The following XKR4 variants were observed in gnomAD, a reference collection of about 807,000 sequenced individuals.
The protein encoded by XKR4 is XK related 4.
Under a neutral mutation model 53.9 loss-of-function variants are expected in XKR4, and 12 were observed. The observed-to-expected ratio is 0.22, with a 90% CI of 0.14 to 0.36. The LOEUF (loss-of-function observed/expected upper bound fraction) is 0.36, where lower values mean the gene tolerates loss of function less well. XKR4 is among the 10% of genes least tolerant of loss of function. The pLI is 1.00. For synonymous variants in XKR4, 354 were observed against 362.4 expected (o/e 0.98, Z 0.26); for missense variants, 799 against 859.5 (o/e 0.93, Z 0.88).
chr8:55,166,561 A>G (rs1213566203), intron 1 of XKR4, among the ~76,000 whole-genome samples: 1 of 152,250 alleles, frequency 6.6e-6, no homozygotes, highest in East Asian at 1.9e-4. Flanking sequence ...AAACACCTTA[A>G]TAGAAAAGCA....
At chr8:55,154,055 T>C (rs1816874419) in intron 1 of XKR4, among the ~76,000 whole-genome samples, 2 of 152,096 alleles carry the variant, frequency 1.3e-5, no homozygotes, top group South Asian at 4.2e-4. Flanking sequence ...GATTAGAGAG[T>C]ATATGGCCCA....
intron 1 of XKR4, among the ~76,000 whole-genome samples, chr8:55,107,880 A>T (rs1030381185): frequency 7.2e-5 from 11 of 152,204 alleles, no homozygotes; most frequent in African/African-American, 2.7e-4. Context: ...CATATAAATT[A>T]ATTAGTCATT....
chr8:55,430,318 T>C (rs1176545409), intron 2 of XKR4, among the ~76,000 whole-genome samples: 1 of 152,160 alleles, frequency 6.6e-6, no homozygotes, highest in East Asian at 1.9e-4. Flanking sequence ...CTAGAGAAAT[T>C]AAAAATATGT....
At chr8:55,156,652 T>A (rs953618422) in intron 1 of XKR4, among the ~76,000 whole-genome samples, 1 of 152,220 alleles carries the variant, frequency 6.6e-6, no homozygotes, top group Admixed American at 6.5e-5. Context: ...GAGTGTGGGC[T>A]TGTTTTTTTT....
chr8:55,372,036 G>C (rs1348955667), intron 2 of XKR4, among the ~76,000 whole-genome samples: 1 of 152,206 alleles, frequency 6.6e-6, no homozygotes, highest in South Asian at 2.1e-4. Context: ...TGAGCACACA[G>C]ACATGTTCAG....
intron 2 of XKR4, among the ~76,000 whole-genome samples, chr8:55,446,354 T>G (rs1041667615): frequency 6.6e-6 from 1 of 152,170 alleles, no homozygotes; most frequent in African/African-American, 2.4e-5. Flanking sequence ...GATTTCTTTT[T>G]TTTTTGACAC....
chr8:55,121,894 G>C (rs1166821283), intron 1 of XKR4, among the ~76,000 whole-genome samples: 1 of 151,918 alleles, frequency 6.6e-6, no homozygotes, highest in East Asian at 1.9e-4. Flanking sequence ...CTCTGCCTGA[G>C]AGTTGGACAG....
intron 1 of XKR4, among the ~76,000 whole-genome samples, chr8:55,254,576 A>T (rs1421026753): frequency 6.6e-6 from 1 of 152,212 alleles, no homozygotes; most frequent in Non-Finnish European, 1.5e-5. Context: ...TGATAAAGGA[A>T]GCGTCGATCT....
chr8:55,230,280 G>A (rs1208116713), intron 1 of XKR4, among the ~76,000 whole-genome samples: 5 of 151,872 alleles, frequency 3.3e-5, no homozygotes, highest in African/African-American at 9.7e-5. Flanking sequence ...AAACTAGGGA[G>A]GGGAATCACT....
At position 55,538,772 on chromosome 8, in the gene XKR4, T is replaced by C. The variant is rs1459983702; in HGVS notation, c.*14545T>C. Reference sequence around the variant, plus strand: ...CAGGTGGCGTTCTGAAATCCACTACTGGGGAAAGATTTTTAACAGATATTA... The same window carrying C: ...CAGGTGGCGTTCTGAAATCCACTACCGGGGAAAGATTTTTAACAGATATTA... On this transcript the variant is annotated 3_prime_UTR_variant, in exon 3 of 3. Transcript: ENST00000327381. 1 of 152,186 alleles carries C rather than the reference T, an allele frequency of 6.6e-6. No individual in the cohort carries two copies. The highest frequency in any genetic ancestry group is 1.5e-5 in the Non-Finnish European group (1 of 68,042). 9.4% of individuals were successfully genotyped at this position (152,186 alleles called of 1,614,324 possible). A position where few individuals can be genotyped will look rare whatever the true frequency, so the allele number is the denominator to read the frequency against.
intron 1 of XKR4, among the ~76,000 whole-genome samples, chr8:55,301,400 G>A (rs995169082): frequency 5.3e-4 from 81 of 151,914 alleles, no homozygotes; most frequent in Middle Eastern, 3.4e-3. Flanking sequence ...TATCGTTGTT[G>A]GACATTTGGG....
chr8:55,404,856 G>A (rs950630379), intron 2 of XKR4, among the ~76,000 whole-genome samples: 2 of 152,216 alleles, frequency 1.3e-5, no homozygotes, highest in African/African-American at 2.4e-5. Context: ...GAGGTACAAA[G>A]TGTGTTTGGA....
chr8:55,351,292 G>T (rs547444010), intron 1 of XKR4, among the ~76,000 whole-genome samples: 22 of 152,232 alleles, frequency 1.4e-4, no homozygotes, highest in Admixed American at 1.4e-3. Context: ...GTATTAGAAG[G>T]TTTGATTTTG....
At chr8:55,114,873 C>A (rs1246911652) in intron 1 of XKR4, among the ~76,000 whole-genome samples, 1 of 152,178 alleles carries the variant, frequency 6.6e-6, no homozygotes, top group Admixed American at 6.5e-5. Flanking sequence ...ATGGACTCCA[C>A]AAACATCTGC....
chr8:55,334,861 T>G (rs1041816754), intron 1 of XKR4, among the ~76,000 whole-genome samples: 1 of 152,160 alleles, frequency 6.6e-6, no homozygotes, highest in Admixed American at 6.5e-5. Context: ...TGTGTGAAAA[T>G]CAAGCACTTG....
intron 1 of XKR4, among the ~76,000 whole-genome samples, chr8:55,157,434 A>G (rs983769756): frequency 2.6e-5 from 4 of 152,146 alleles, no homozygotes; most frequent in African/African-American, 4.8e-5. Context: ...TCAACTCTTA[A>G]TGTGTGCTTA....
At chr8:55,256,187 G>T (rs1336649435) in intron 1 of XKR4, among the ~76,000 whole-genome samples, 1 of 152,098 alleles carries the variant, frequency 6.6e-6, no homozygotes, top group Non-Finnish European at 1.5e-5. Flanking sequence ...GTCTTATGTT[G>T]CTAGAAGGTA....
chr8:55,353,819 G>A (rs1328234277), intron 1 of XKR4, among the ~76,000 whole-genome samples: 3 of 152,230 alleles, frequency 2.0e-5, no homozygotes, highest in African/African-American at 7.2e-5. Flanking sequence ...ATCACAAGCT[G>A]CAGCCGTGCA....
intron 1 of XKR4, among the ~76,000 whole-genome samples, chr8:55,170,483 C>T: frequency 6.6e-6 from 1 of 152,092 alleles, no homozygotes; most frequent in East Asian, 1.9e-4. Context: ...GACAGATTCT[C>T]CCCAGAGCCT....
Sources: gnomAD v4.1 joint callset for allele counts (sites outside exome capture counted in the v4.1 genomes callset) on GRCh38, gnomAD v4.1.1 for gene constraint, MANE v1.5 for transcripts, NCBI Gene and HGNC (gene_info 2026-07-23, HGNC 2026-07-21) for gene names.